Variants in SLC25A46 observed in about 807,000 individuals in gnomAD.
The protein encoded by SLC25A46 is mitochondrial outer membrane protein SLC25A46.
Under a neutral mutation model 44.6 loss-of-function variants are expected in SLC25A46, and 39 were observed. The observed-to-expected ratio is 0.87, with a 90% CI of 0.68 to 1.14. SLC25A46 has a LOEUF of 1.14. Ranked by LOEUF, SLC25A46 falls within the 50% of genes most tolerant of loss-of-function variation. SLC25A46 has a pLI of 0.00. For missense variants in SLC25A46, 547 were observed against 522.7 expected (o/e 1.05, Z -0.45); for synonymous variants, 202 against 185.8 (o/e 1.09, Z -0.71).
intron 5 of SLC25A46, among the ~76,000 whole-genome samples, chr5:110,750,786 A>G (rs1319090280): frequency 6.6e-6 from 1 of 152,158 alleles, no homozygotes; most frequent in Non-Finnish European, 1.5e-5. Context: ...AGGGTTGACT[A>G]TATTTGCAAC....
chr5:110,751,472 G>GC (rs1310410820), intron 5 of SLC25A46, among the ~76,000 whole-genome samples: 1 of 152,136 alleles, frequency 6.6e-6, no homozygotes, highest in Non-Finnish European at 1.5e-5. Context: ...ACTGAGAGAA[G>GC]CCTCACATGG....
Position 110,761,757 on chromosome 5 carries a change from C to T in SLC25A46, c.1232C>T (p.Ser411Phe). Residue 411 changes from serine (S) to phenylalanine (F), a missense_variant, in exon 8 of 8, where the codon TCT becomes TTT. Coordinates refer to ENST00000355943, the MANE Select transcript of SLC25A46 (RefSeq NM_138773.4). The surrounding 1 kb of genome is among the most constrained non-coding windows in gnomAD (Gnocchi z 5.3). ...TTACAGATTACCAAAATTATTTACT[C>T]TACACTTCTTCAAAATAACATTTGA... ...AVLQITKIIYSTLLQNNI is the reference protein window; with the variant it reads ...AVLQITKIIYFTLLQNNI The T allele has an allele frequency of 6.2e-7, 1 of 1,610,734 alleles. No individual in the cohort carries two copies. The highest frequency in any genetic ancestry group is 1.7e-5 in the Admixed American group (1 of 59,720).
chr5:110,739,490 C>A, intron 1 of SLC25A46, 88 bp downstream of exon 1: 2 of 1,464,908 alleles, frequency 1.4e-6, no homozygotes, highest in Non-Finnish European at 1.8e-6. Flanking sequence ...CGCAGAGGAT[C>A]CCGCCTCCTA....
At chr5:110,740,294 T>C (rs1799625516) in intron 1 of SLC25A46, among the ~76,000 whole-genome samples, 1 of 152,220 alleles carries the variant, frequency 6.6e-6, no homozygotes, top group Non-Finnish European at 1.5e-5. Flanking sequence ...TCAGCTTTAT[T>C]CTTATTTCCT....
At chr5:110,746,489 T>A in intron 4 of SLC25A46, 143 bp downstream of exon 4, 1 of 575,214 alleles carries the variant, frequency 1.7e-6, no homozygotes, top group Non-Finnish European at 3.0e-6. Context: ...CACAACGATA[T>A]GTTTTTGAAT....
intron 3 of SLC25A46, among the ~76,000 whole-genome samples, 192 bp downstream of exon 3, chr5:110,743,979 A>G (rs1374649038): frequency 1.3e-5 from 2 of 152,194 alleles, no homozygotes; most frequent in Non-Finnish European, 2.9e-5. Flanking sequence ...TATGTTGGTC[A>G]TATCTATTGA....
Position 110,739,298 on chromosome 5 carries a change from A to C in SLC25A46, c.179A>C (p.Lys60Thr), listed in dbSNP as rs759961883. 1 of 1,573,324 alleles carries C rather than the reference A, an allele frequency of 6.4e-7. No homozygotes were observed. The highest frequency in any genetic ancestry group is 2.3e-5 in the East Asian group (1 of 42,978). ...AGCCGCAACCTGCACTGGGGCGAGA[A>C]GAGCCCGCCCTACGGCGTGCCCACC... ...PGSRNLHWGEKSPPYGVPTTS... is the reference protein window; with the variant it reads ...PGSRNLHWGETSPPYGVPTTS... The change falls in exon 1 of 8, where the codon AAG (lysine) becomes ACG (threonine). Residue 60 changes from lysine to threonine, a missense_variant. Coordinates refer to ENST00000355943, the MANE Select transcript of SLC25A46 (RefSeq NM_138773.4).
chr5:110,743,270 A>G (rs1199179588), intron 2 of SLC25A46, among the ~76,000 whole-genome samples: 1 of 152,012 alleles, frequency 6.6e-6, no homozygotes, highest in Non-Finnish European at 1.5e-5. Context: ...TTATACTTAA[A>G]CCTTATAATT....
At position 110,763,186 on chromosome 5, in the gene SLC25A46, T is replaced by TG. The variant is rs751660164; in HGVS notation, c.*1405dup. ...ATGTCTTCACGTGAATAATCACAGT[T>TG]GTATCATGAACCATTTAGCGCTCTG... is the stretch of plus-strand genomic sequence containing the variant. On this transcript the variant is annotated 3_prime_UTR_variant, in exon 8 of 8. Coordinates refer to ENST00000355943, the MANE Select transcript of SLC25A46 (RefSeq NM_138773.4). The TG allele has an allele frequency of 3.3e-5, 5 of 151,956 alleles. No homozygotes were observed. Among genetic ancestry groups the TG allele is most frequent in the Non-Finnish European group, 7.4e-5 (5 of 67,912 alleles). The allele number at this position is 151,956 out of a possible 1,614,324, so 9.4% of individuals were successfully genotyped here.
At chr5:110,751,226 G>T (rs1799962441) in intron 5 of SLC25A46, among the ~76,000 whole-genome samples, 2 of 152,150 alleles carry the variant, frequency 1.3e-5, no homozygotes, top group Admixed American at 1.3e-4. Flanking sequence ...TTGCCAGGAA[G>T]CTCAGAATCT....
Position 110,739,029 on chromosome 5 carries a change from G to A in SLC25A46, c.-91G>A. On this transcript the variant is annotated 5_prime_UTR_variant, in exon 1 of 8. Transcript: ENST00000355943. Reference sequence around the variant, plus strand: ...GTCAGAATTTACCCCTGACGCGGCGGCGGCCGACGGGAAGCTGTGTGTGCT... The same window carrying A: ...GTCAGAATTTACCCCTGACGCGGCGACGGCCGACGGGAAGCTGTGTGTGCT... 2.7e-6 allele frequency: 4 copies of A among 1,488,276 alleles called. No individual in the cohort carries two copies. Among genetic ancestry groups the A allele is most frequent in the Non-Finnish European group, 3.5e-6 (4 of 1,128,116 alleles). 92.2% of individuals were successfully genotyped at this position (1,488,276 alleles called of 1,614,324 possible).
chr5:110,743,708 T>C (rs772897477), intron 2 of SLC25A46, 22 bp from the exon 3 acceptor site: 66 of 1,461,608 alleles, frequency 4.5e-5, no homozygotes, highest in Non-Finnish European at 5.8e-5. Context: ...GACATACATA[T>C]ACATAAATTA....
At chr5:110,745,244 A>T (rs1017766316) in intron 3 of SLC25A46, among the ~76,000 whole-genome samples, 1 of 151,450 alleles carries the variant, frequency 6.6e-6, no homozygotes, top group Non-Finnish European at 1.5e-5. Flanking sequence ...AAACTCTGTT[A>T]TAACCCACTT....
At chr5:110,748,611 C>T (rs1799879678) in intron 5 of SLC25A46, among the ~76,000 whole-genome samples, 1 of 152,136 alleles carries the variant, frequency 6.6e-6, no homozygotes, top group Non-Finnish European at 1.5e-5. Flanking sequence ...GGCTTAGTAT[C>T]TATTGAGATG....
chr5:110,742,109 CG>C lies in SLC25A46; in HGVS notation c.326+21del. The C allele has an allele frequency of 1.3e-6, 2 of 1,496,794 alleles. No individual in the cohort carries two copies. Among genetic ancestry groups the C allele is most frequent in the Non-Finnish European group, 1.8e-6 (2 of 1,109,650 alleles). The allele number at this position is 1,496,794 out of a possible 1,614,324, so 92.7% of individuals were successfully genotyped here. ...TGCAAGGTAATGTTTTATCTAAAGA[CG>C]TTTACAGCTTTTATTTATTGAATTT... On this transcript the variant is annotated intron_variant, in intron 2 of 7. Coordinates refer to ENST00000355943, the MANE Select transcript of SLC25A46 (RefSeq NM_138773.4).
chr5:110,748,388 A>T (rs1290858391), intron 5 of SLC25A46, 125 bp downstream of exon 5: 1 of 674,572 alleles, frequency 1.5e-6, no homozygotes, highest in Non-Finnish European at 2.6e-6. Context: ...ACTTCTAATG[A>T]TCCTCTCATC....
chr5:110,755,709 T>G (rs540737059), intron 6 of SLC25A46, among the ~76,000 whole-genome samples, 188 bp downstream of exon 6: 1 of 152,220 alleles, frequency 6.6e-6, no homozygotes, highest in Admixed American at 6.5e-5. Flanking sequence ...TATATTATCT[T>G]TAAAATAAAT....
Position 110,748,226 on chromosome 5 carries a change from G to A in SLC25A46, c.526G>A (p.Ala176Thr). 1 of 1,613,630 alleles carries A rather than the reference G, an allele frequency of 6.2e-7. No individual in the cohort carries two copies. Among genetic ancestry groups the A allele is most frequent in the Non-Finnish European group, 8.5e-7 (1 of 1,179,632 alleles). Residue 176 changes from alanine (A) to threonine (T), a missense_variant, in exon 5 of 8, where the codon GCA becomes ACA. Physicochemically the swap from Ala to Thr is moderately conservative, Grantham distance 58. Transcript: ENST00000355943. ...TFIVQGVTLG[A>T]EGIISEFTPL... ...TATTGTCCAGGGAGTCACACTTGGA[G>A]CAGAAGGCATAATTAGTGAATTTAC...
intron 5 of SLC25A46, among the ~76,000 whole-genome samples, chr5:110,748,749 CAT>C (rs1399300463): frequency 6.6e-6 from 1 of 152,070 alleles, no homozygotes; most frequent in Non-Finnish European, 1.5e-5. Flanking sequence ...GAAGAGGTAA[CAT>C]GTCCAATGTC....
Sources: gnomAD v4.1 joint callset for allele counts (sites outside exome capture counted in the v4.1 genomes callset) on GRCh38, gnomAD v4.1.1 for gene constraint, Gnocchi (gnomAD v3.1) non-coding constraint, MANE v1.5 for transcripts, NCBI Gene and HGNC (gene_info 2026-07-23, HGNC 2026-07-21) for gene names.